The following CACNA1E variants were observed in gnomAD, a reference collection of about 807,000 sequenced individuals.
The protein encoded by CACNA1E is voltage-dependent R-type calcium channel subunit alpha-1E.
Under a neutral mutation model 259.2 loss-of-function variants are expected in CACNA1E, and 40 were observed. The observed-to-expected ratio is 0.15, with a 90% CI of 0.12 to 0.20. CACNA1E has a LOEUF of 0.20. Among genes scored for constraint, CACNA1E ranks in the 10% least tolerant of loss-of-function variants. The probability of loss-of-function intolerance (pLI) is 1.00; values close to 1 mark genes in which losing one functional copy is unlikely to be tolerated. For synonymous variants in CACNA1E, 1,104 were observed against 1,138.5 expected (o/e 0.97, Z 0.61); for missense variants, 1,874 against 3,040.1 (o/e 0.62, Z 9.02).
intron 1 of CACNA1E, among the ~76,000 whole-genome samples, chr1:181,335,212 A>G (rs1056191125): frequency 1.3e-5 from 2 of 152,146 alleles, no homozygotes; most frequent in African/African-American, 4.8e-5. Context: ...CAGGATCCAC[A>G]CTGTCTTTCC....
chr1:181,445,720 A>T (rs1398402401), intron 2 of CACNA1E, among the ~76,000 whole-genome samples: 1 of 152,240 alleles, frequency 6.6e-6, no homozygotes, highest in Non-Finnish European at 1.5e-5. Context: ...CTAAGTTAAG[A>T]GTTAAAAATT....
chr1:181,326,975 C>T (rs531841901), intron 1 of CACNA1E, among the ~76,000 whole-genome samples: 68 of 152,296 alleles, frequency 4.5e-4, no homozygotes, highest in African/African-American at 1.5e-3. Flanking sequence ...CCTGATTCCT[C>T]AATCCCTTTG....
At chr1:181,534,357 G>T (rs1259707957) in intron 3 of CACNA1E, among the ~76,000 whole-genome samples, 1 of 152,072 alleles carries the variant, frequency 6.6e-6, no homozygotes, top group Non-Finnish European at 1.5e-5. Context: ...CTAGCAATAA[G>T]CTTATTTTTG....
At chr1:181,796,915 T>A in intron 47 of CACNA1E, 57 bp downstream of exon 47, 1 of 1,282,120 alleles carries the variant, frequency 7.8e-7, no homozygotes. Flanking sequence ...GTGGGCTGTA[T>A]CATTAGATGC....
At chr1:181,787,486 T>C (rs1660946618) in intron 43 of CACNA1E, among the ~76,000 whole-genome samples, 1 of 152,206 alleles carries the variant, frequency 6.6e-6, no homozygotes, top group Non-Finnish European at 1.5e-5. Flanking sequence ...CTTTACAAAT[T>C]AACCCACCAC....
chr1:181,747,896 A>T (rs1657238037), intron 25 of CACNA1E, among the ~76,000 whole-genome samples: 1 of 152,204 alleles, frequency 6.6e-6, no homozygotes, highest in Admixed American at 6.5e-5. Context: ...TGTGTAAATT[A>T]TATTTTAACT....
intron 3 of CACNA1E, among the ~76,000 whole-genome samples, 195 bp downstream of exon 3, chr1:181,511,705 G>A (rs990029175): frequency 1.3e-5 from 2 of 152,236 alleles, no homozygotes; most frequent in African/African-American, 4.8e-5. Flanking sequence ...AGTACTGTGT[G>A]GAGATGCGTG....
At chr1:181,396,447 G>A (rs766842147) in intron 1 of CACNA1E, among the ~76,000 whole-genome samples, 1 of 152,220 alleles carries the variant, frequency 6.6e-6, no homozygotes, top group Non-Finnish European at 1.5e-5. Context: ...TAACAAAAGC[G>A]TGGGGAGAAA....
chr1:181,356,834 T>C (rs1653480227), intron 1 of CACNA1E, among the ~76,000 whole-genome samples: 2 of 152,128 alleles, frequency 1.3e-5, no homozygotes, highest in Admixed American at 6.5e-5. Flanking sequence ...TCTAGTCCCT[T>C]CCTCCCCACT....
chr1:181,797,760 G>T (rs866031716), intron 47 of CACNA1E, among the ~76,000 whole-genome samples: 1 of 152,228 alleles, frequency 6.6e-6, no homozygotes, highest in Non-Finnish European at 1.5e-5. Context: ...AGTATGGCCT[G>T]AGCCAACAAC....
At chr1:181,510,710 A>C in intron 2 of CACNA1E, 128 bp downstream of exon 2, 1 of 664,222 alleles carries the variant, frequency 1.5e-6, no homozygotes, top group East Asian at 2.8e-5. Flanking sequence ...TTGCTGGGGG[A>C]CAAGCTAATG....
chr1:181,344,726 A>C (rs1047324402), intron 1 of CACNA1E, among the ~76,000 whole-genome samples: 1 of 152,164 alleles, frequency 6.6e-6, no homozygotes, highest in African/African-American at 2.4e-5. Context: ...TTAGTGGAAA[A>C]GGAAACACCC....
intron 13 of CACNA1E, 95 bp downstream of exon 13, chr1:181,719,958 G>T (rs1235391379): frequency 1.2e-6 from 1 of 817,600 alleles, no homozygotes; most frequent in Non-Finnish European, 1.9e-6. Context: ...TCCCCCTTAG[G>T]GGGAAAGTAT....
rs940025379 is a variant in CACNA1E at position 181,799,923 on chromosome 1, G to A, written c.*1089G>A. ...CACACTCTGGTCCATGAGGCAGCAA[G>A]GCCAGTGCTGTGCCAAGCCCGGTAA... On this transcript the variant is annotated 3_prime_UTR_variant, in exon 48 of 48. Transcript: ENST00000367573. 2.0e-5 allele frequency: 3 copies of A among 152,474 alleles called. No individual in the cohort carries two copies. Among genetic ancestry groups the A allele is most frequent in the Non-Finnish European group, 4.4e-5 (3 of 68,240 alleles). The allele number at this position is 152,474 out of a possible 1,614,324, so 9.4% of individuals were successfully genotyped here. A position where few individuals can be genotyped will look rare whatever the true frequency, so the allele number is the denominator to read the frequency against.
intron 7 of CACNA1E, among the ~76,000 whole-genome samples, chr1:181,659,235 C>G (rs1201669491): frequency 6.6e-6 from 1 of 152,080 alleles, no homozygotes; most frequent in Non-Finnish European, 1.5e-5. Context: ...TGCTCAGGGA[C>G]CCCTGGATGC....
chr1:181,567,889 C>CA (rs1650002470), intron 3 of CACNA1E, among the ~76,000 whole-genome samples: 1 of 151,886 alleles, frequency 6.6e-6, no homozygotes, highest in South Asian at 2.1e-4. Flanking sequence ...GTACATCACA[C>CA]AAATAAAGAG....
intron 3 of CACNA1E, among the ~76,000 whole-genome samples, chr1:181,552,836 T>C (rs1191449001): frequency 6.6e-6 from 1 of 151,954 alleles, no homozygotes; most frequent in Non-Finnish European, 1.5e-5. Flanking sequence ...CTGAGGTCTC[T>C]GTTCTGTTCC....
At chr1:181,680,105 CAAAAAAAAAAAAAA>C (rs56198008) in intron 7 of CACNA1E, among the ~76,000 whole-genome samples, 21 of 78,496 alleles carry the variant, frequency 2.7e-4, no homozygotes, top group African/African-American at 8.9e-4. Flanking sequence ...GACCTTGTCT[CAAAAAAAAAAAAAA>C]AAAAAAAAAA....
chr1:181,585,503 A>C, intron 6 of CACNA1E, among the ~76,000 whole-genome samples: 1 of 152,220 alleles, frequency 6.6e-6, no homozygotes. Flanking sequence ...CTTATATTCT[A>C]GTGGGAAAAT....
Sources: allele counts gnomAD v4.1 joint callset (sites outside exome capture counted in the v4.1 genomes callset), GRCh38; gene constraint gnomAD v4.1.1; transcripts MANE v1.5; gene names NCBI Gene and HGNC (gene_info 2026-07-23, HGNC 2026-07-21).